The following MACROD1 variants were observed in gnomAD, a reference collection of about 807,000 sequenced individuals.
MACROD1 encodes ADP-ribose glycohydrolase MACROD1.
Under a neutral mutation model 41.4 loss-of-function variants are expected in MACROD1, and 31 were observed. The ratio of observed to expected loss-of-function variants is 0.75; its 90% CI spans 0.56 to 1.01. MACROD1 has a LOEUF of 1.01. Ranked by LOEUF, MACROD1 falls within the 50% of genes least tolerant of loss-of-function variation. MACROD1 has a pLI of 0.00. For synonymous variants in MACROD1, 252 were observed against 203.4 expected (o/e 1.24, Z -2.03); for missense variants, 473 against 460.0 (o/e 1.03, Z -0.26).
chr11:64,010,291 T>C (rs1942985291), intron 4 of MACROD1, among the ~76,000 whole-genome samples: 1 of 118,572 alleles, frequency 8.4e-6, no homozygotes, highest in South Asian at 3.0e-4. Flanking sequence ...GCTGGCATGT[T>C]GGGGTGTTGG....
chr11:63,999,435 G>A (rs11606757), intron 7 of MACROD1, 31 bp from the exon 8 acceptor site: 3 of 1,558,236 alleles, frequency 1.9e-6, no homozygotes, highest in Non-Finnish European at 2.6e-6. Flanking sequence ...GTGAGTCCTA[G>A]GCTCTGGCCC....
intron 3 of MACROD1, among the ~76,000 whole-genome samples, chr11:64,128,257 T>C (rs1045924721): frequency 2.6e-5 from 4 of 152,102 alleles, no homozygotes; most frequent in Non-Finnish European, 4.4e-5. Context: ...GCACAGTGGG[T>C]GCCCAGGAGG....
chr11:64,102,488 C>T (rs544009435), intron 3 of MACROD1, among the ~76,000 whole-genome samples: 132 of 152,224 alleles, frequency 8.7e-4, no homozygotes, highest in Non-Finnish European at 1.6e-3. Flanking sequence ...TCTGGAAGCC[C>T]AGGCCATGGC....
Position 64,036,048 on chromosome 11 carries a change from C to T in MACROD1, c.518-20767G>A, listed in dbSNP as rs1303348617. 6.6e-6 allele frequency: 1 copy of T among 151,466 alleles called. No individual in the cohort carries two copies. The highest frequency in any genetic ancestry group is 6.6e-5 in the Admixed American group (1 of 15,236). 9.4% of individuals were successfully genotyped at this position (151,466 alleles called of 1,614,324 possible). A position where few individuals can be genotyped will look rare whatever the true frequency, so the allele number is the denominator to read the frequency against. Reference sequence around the variant, plus strand: ...CGCCGGGGGCTCCTCTCCCGGGCCCCCCTGGGCGCCCTCCGGCTCTGGTTC... The same window carrying T: ...CGCCGGGGGCTCCTCTCCCGGGCCCTCCTGGGCGCCCTCCGGCTCTGGTTC... On this transcript the variant is annotated intron_variant, in intron 3 of 10. Coordinates refer to ENST00000255681, the MANE Select transcript of MACROD1 (RefSeq NM_014067.4). This position sits in a 1 kb window ranked among gnomAD's most constrained non-coding sequence, Gnocchi z 5.6.
At chr11:64,039,236 G>C (rs1943439389) in intron 3 of MACROD1, among the ~76,000 whole-genome samples, 1 of 152,116 alleles carries the variant, frequency 6.6e-6, no homozygotes, top group South Asian at 2.1e-4. Flanking sequence ...GGGTGGACAA[G>C]AAGGGGCGTG....
chr11:64,135,719 C>A (rs187756425), intron 3 of MACROD1, among the ~76,000 whole-genome samples: 1 of 152,232 alleles, frequency 6.6e-6, no homozygotes, highest in Non-Finnish European at 1.5e-5. Context: ...CAGCTTGCAG[C>A]CTTCCCCGCG....
At chr11:64,091,734 C>G (rs1944494438) in intron 3 of MACROD1, among the ~76,000 whole-genome samples, 1 of 152,208 alleles carries the variant, frequency 6.6e-6, no homozygotes, top group African/African-American at 2.4e-5. Flanking sequence ...GGACACTGGC[C>G]ATTAGCACTG....
intron 3 of MACROD1, among the ~76,000 whole-genome samples, chr11:64,132,175 A>G (rs1202188107): frequency 6.6e-6 from 1 of 151,948 alleles, no homozygotes; most frequent in African/African-American, 2.4e-5. Context: ...TGTGGTTAGG[A>G]ACAGCCCCAC....
intron 3 of MACROD1, among the ~76,000 whole-genome samples, chr11:64,025,125 C>A (rs1451829903): frequency 6.6e-6 from 1 of 152,124 alleles, no homozygotes. Context: ...ACTACAGGCA[C>A]ACGACACCAC....
At chr11:64,050,722 G>A (rs976527959) in intron 3 of MACROD1, among the ~76,000 whole-genome samples, 2 of 152,276 alleles carry the variant, frequency 1.3e-5, no homozygotes, top group East Asian at 1.9e-4. Flanking sequence ...GGGTTCAAGC[G>A]ATTCTCCTGC....
intron 3 of MACROD1, chr11:64,138,560 C>A: frequency 4.1e-6 from 4 of 985,398 alleles, no homozygotes; most frequent in Non-Finnish European, 4.8e-6. Flanking sequence ...TACAGCCAGG[C>A]GGCAATAATA....
At position 64,105,179 on chromosome 11, in the gene MACROD1, C is replaced by T. The variant is rs547912263; in HGVS notation, c.517+46060G>A. ...TATTTATTATAAAAGTGCGCCAGCC[C>T]GACAGCGGGGCCGCGAGCGTGCCTG... On this transcript the variant is annotated intron_variant, in intron 3 of 10. Coordinates refer to ENST00000255681, the MANE Select transcript of MACROD1 (RefSeq NM_014067.4). 1.4e-4 allele frequency among the ~76,000 whole-genome samples: 21 copies of T among 152,322 alleles called. No homozygotes were observed. In the South Asian group the frequency reaches 2.7e-3, roughly 20 times the overall value.
intron 1 of MACROD1, 49 bp downstream of exon 1, chr11:64,165,648 T>C: frequency 3.0e-6 from 4 of 1,334,716 alleles, no homozygotes; most frequent in Non-Finnish European, 3.9e-6. Context: ...GCCGGGAAGC[T>C]CCACGTGAGG....
intron 3 of MACROD1, among the ~76,000 whole-genome samples, chr11:64,081,311 C>T (rs1390006636): frequency 6.6e-6 from 1 of 152,134 alleles, no homozygotes; most frequent in Non-Finnish European, 1.5e-5. Context: ...CGTGAGCCAC[C>T]ACGCCCAGCC....
chr11:64,005,750 G>A (rs1245523683), intron 4 of MACROD1, among the ~76,000 whole-genome samples: 1 of 152,238 alleles, frequency 6.6e-6, no homozygotes, highest in Non-Finnish European at 1.5e-5. Context: ...TCATGCTTTT[G>A]GGGGCCTTGT....
chr11:64,040,508 C>G (rs1943464395), intron 3 of MACROD1, among the ~76,000 whole-genome samples: 1 of 152,178 alleles, frequency 6.6e-6, no homozygotes, highest in Non-Finnish European at 1.5e-5. Flanking sequence ...CTGGGTCTGC[C>G]TCAGGGACCC....
intron 4 of MACROD1, among the ~76,000 whole-genome samples, chr11:64,005,236 G>A (rs539864011): frequency 6.6e-6 from 1 of 152,160 alleles, no homozygotes; most frequent in Admixed American, 6.5e-5. Context: ...TGCCATGTTG[G>A]CCAGGCTGGT....
chr11:64,043,267 T>C (rs1213060391), intron 3 of MACROD1, among the ~76,000 whole-genome samples: 1 of 152,166 alleles, frequency 6.6e-6, no homozygotes, highest in African/African-American at 2.4e-5. Context: ...GCTGGGATAA[T>C]CACCCTGCTC....
Position 64,070,672 on chromosome 11 carries a change from C to CG in MACROD1, c.518-55392dup, listed in dbSNP as rs558799489. Among the ~76,000 whole-genome samples, 171 of 152,242 alleles carry CG rather than the reference C, an allele frequency of 1.1e-3. 2 individuals are homozygous for CG. The highest frequency in any genetic ancestry group is 3.3e-3 in the African/African-American group (138 of 41,542). On this transcript the variant is annotated intron_variant, in intron 3 of 10. Coordinates refer to ENST00000255681, the MANE Select transcript of MACROD1 (RefSeq NM_014067.4). The stretch of plus-strand genomic sequence containing the variant: ...GGGCCTCAGGGGCCTCCCAGCTGAT[C>CG]GGGGCAGATTTAACAGGACTTTGAA...
Sources: allele counts gnomAD v4.1 joint callset (sites outside exome capture counted in the v4.1 genomes callset), GRCh38; gene constraint gnomAD v4.1.1; non-coding constraint Gnocchi (gnomAD v3.1); transcripts MANE v1.5; gene names NCBI Gene and HGNC (gene_info 2026-07-23, HGNC 2026-07-21).